CSMD1: variants seen among roughly 807,000 people sequenced by gnomAD.
The protein encoded by CSMD1 is CUB and Sushi multiple domains 1.
CSMD1 carries 213 observed loss-of-function variants against 417.5 expected under a neutral mutation model. That is an observed-to-expected ratio of 0.51 (90% CI 0.46 to 0.57). The LOEUF (loss-of-function observed/expected upper bound fraction) is 0.57. Ranked by LOEUF, CSMD1 falls within the 20% of genes least tolerant of loss-of-function variation. The pLI is 0.00. For synonymous variants in CSMD1, 2,862 were observed against 1,736.8 expected, an observed-to-expected ratio of 1.65 and a Z score of -16.11; for missense variants, 6,923 against 4,529.7, an observed-to-expected ratio of 1.53 and a Z score of -15.17.
At chr8:4,156,379 C>A (rs564565554) in intron 3 of CSMD1, among the ~76,000 whole-genome samples, 1 of 152,090 alleles carries the variant, frequency 6.6e-6, no homozygotes, top group Admixed American at 6.5e-5. Context: ...AATGCAGAAG[C>A]CAATGGCAAG....
intron 1 of CSMD1, among the ~76,000 whole-genome samples, chr8:4,948,979 C>G (rs1235112997): frequency 6.6e-6 from 1 of 152,038 alleles, no homozygotes; most frequent in East Asian, 1.9e-4. Context: ...TATAATTTAT[C>G]ACTTTAAGGA....
intron 37 of CSMD1, among the ~76,000 whole-genome samples, chr8:3,180,055 T>G (rs1364541181): frequency 6.6e-6 from 1 of 152,220 alleles, no homozygotes; most frequent in Non-Finnish European, 1.5e-5. Flanking sequence ...TATTAAAGCT[T>G]ATCCATGTAT....
chr8:4,337,112 G>C (rs569193647), intron 3 of CSMD1, among the ~76,000 whole-genome samples: 5 of 152,230 alleles, frequency 3.3e-5, no homozygotes, highest in Admixed American at 2.6e-4. Flanking sequence ...ACGTACAGGA[G>C]ACCGAAGCAT....
At chr8:3,622,876 G>C (rs781428733) in intron 7 of CSMD1, among the ~76,000 whole-genome samples, 67 of 152,182 alleles carry the variant, frequency 4.4e-4, no homozygotes, top group Non-Finnish European at 1.9e-4. Context: ...ACCACTTCAA[G>C]AGGAATCCTT....
chr8:4,727,507 AG>A (rs1240656516), intron 1 of CSMD1, among the ~76,000 whole-genome samples: 3 of 152,218 alleles, frequency 2.0e-5, no homozygotes, highest in Non-Finnish European at 2.9e-5. Flanking sequence ...TCAAAAAGCA[AG>A]TGAAATAATG....
chr8:3,005,350 G>A (rs1013765850), intron 52 of CSMD1, among the ~76,000 whole-genome samples: 4 of 152,148 alleles, frequency 2.6e-5, no homozygotes, highest in Non-Finnish European at 4.4e-5. Context: ...ACTCCAAGGA[G>A]GAACTGGTAC....
intron 3 of CSMD1, among the ~76,000 whole-genome samples, chr8:4,217,098 G>A (rs1281653024): frequency 1.3e-5 from 2 of 152,196 alleles, no homozygotes; most frequent in East Asian, 3.9e-4. Context: ...GATAGGGGCT[G>A]ACATTTTAGT....
chr8:4,242,941 T>A (rs959980537), intron 3 of CSMD1, among the ~76,000 whole-genome samples: 1 of 152,186 alleles, frequency 6.6e-6, no homozygotes, highest in Non-Finnish European at 1.5e-5. Flanking sequence ...GATCAATATA[T>A]AACATTGCAT....
At chr8:3,059,465 T>A (rs1311622216) in intron 49 of CSMD1, among the ~76,000 whole-genome samples, 1 of 152,176 alleles carries the variant, frequency 6.6e-6, no homozygotes, top group Non-Finnish European at 1.5e-5. Flanking sequence ...GGGCTGTTTG[T>A]GAGCCGCTGT....
In CSMD1 at chr8:3,092,825, G is replaced by A. The variant is rs142925132; in HGVS notation, c.7139-1163C>T. 1.0e-3 allele frequency among the ~76,000 whole-genome samples: 154 copies of A among 152,238 alleles called. No homozygotes were observed. The Middle Eastern group carries it at 0.041, about 40-fold the overall frequency. ...ATGAGCTCAGCATTATCTCATACTC[G>A]TAAAAGCGTTCATGGCATTTTGCAT... is the stretch of plus-strand genomic sequence containing the variant. On this transcript the variant is annotated intron_variant, in intron 47 of 69. Coordinates refer to ENST00000635120, the MANE Select transcript of CSMD1 (RefSeq NM_033225.6).
chr8:2,966,067 A>C, intron 58 of CSMD1, 113 bp from the exon 59 acceptor site: 1 of 919,222 alleles, frequency 1.1e-6, no homozygotes, highest in Non-Finnish European at 1.7e-6. Context: ...GTGGTTAAGC[A>C]GTGAATTAAT....
chr8:4,800,959 G>C (rs1019297655), intron 1 of CSMD1, among the ~76,000 whole-genome samples: 5 of 152,184 alleles, frequency 3.3e-5, no homozygotes, highest in Non-Finnish European at 7.3e-5. Context: ...TTTAAAAGCA[G>C]ACTTCTTTCC....
chr8:3,436,676 G>C (rs1247139840), intron 12 of CSMD1, among the ~76,000 whole-genome samples: 1 of 152,044 alleles, frequency 6.6e-6, no homozygotes, highest in African/African-American at 2.4e-5. Flanking sequence ...GTCTTGTATT[G>C]TTCTATATAC....
chr8:4,070,842 G>T (rs760115505), intron 3 of CSMD1, among the ~76,000 whole-genome samples: 6 of 152,146 alleles, frequency 3.9e-5, no homozygotes, highest in African/African-American at 2.4e-5. Flanking sequence ...TTGTTTTCAC[G>T]TGATATAAAT....
intron 7 of CSMD1, among the ~76,000 whole-genome samples, chr8:3,663,559 C>T (rs1185462820): frequency 4.6e-5 from 7 of 152,172 alleles, no homozygotes; most frequent in Non-Finnish European, 8.8e-5. Context: ...CAACCTGCCT[C>T]CAACTCTATT....
At chr8:4,094,315 T>C (rs999145494) in intron 3 of CSMD1, among the ~76,000 whole-genome samples, 1 of 152,062 alleles carries the variant, frequency 6.6e-6, no homozygotes, top group Non-Finnish European at 1.5e-5. Flanking sequence ...AGCAGGCGAC[T>C]GTAGGAACCC....
intron 9 of CSMD1, among the ~76,000 whole-genome samples, chr8:3,577,864 A>T (rs926889604): frequency 6.6e-6 from 1 of 152,112 alleles, no homozygotes; most frequent in South Asian, 2.1e-4. Context: ...ACTAGTCAGA[A>T]TCACCCTCAG....
intron 3 of CSMD1, among the ~76,000 whole-genome samples, chr8:4,289,198 T>C (rs1797225135): frequency 6.6e-6 from 1 of 152,206 alleles, no homozygotes; most frequent in South Asian, 2.1e-4. Flanking sequence ...ACAAATACTC[T>C]TTACCAGTTT....
chr8:4,194,227 C>T (rs1423945290), intron 3 of CSMD1, among the ~76,000 whole-genome samples: 3 of 152,146 alleles, frequency 2.0e-5, no homozygotes, highest in African/African-American at 7.2e-5. Flanking sequence ...CAGCAATCAA[C>T]ACTGCTGCTT....
Sources: gnomAD v4.1 joint callset for allele counts (sites outside exome capture counted in the v4.1 genomes callset) on GRCh38, gnomAD v4.1.1 for gene constraint, MANE v1.5 for transcripts, NCBI Gene and HGNC (gene_info 2026-07-23, HGNC 2026-07-21) for gene names.